THNSL2: variants seen among roughly 807,000 people sequenced by gnomAD.
THNSL2 encodes the protein threonine synthase like 2, also known as threonine synthase-like 2.
A neutral mutation model predicts 40.0 loss-of-function variants in THNSL2; 34 were observed. That is an observed-to-expected ratio of 0.85 (90% CI 0.65 to 1.13). The LOEUF (loss-of-function observed/expected upper bound fraction) is 1.13. Ranked by LOEUF, THNSL2 falls within the 50% of genes most tolerant of loss-of-function variation. The probability of loss-of-function intolerance (pLI) is 0.00; values close to 1 mark genes in which losing one functional copy is unlikely to be tolerated. For synonymous variants in THNSL2, 241 were observed against 247.5 expected (o/e 0.97, Z 0.25); for missense variants, 537 against 608.8 (o/e 0.88, Z 1.24).
chr2:88,172,136 C>T (rs1676442384), intron 1 of THNSL2: 1 of 152,288 alleles, frequency 6.6e-6, no homozygotes, highest in Non-Finnish European at 1.5e-5. Context: ...TCAAATTCAT[C>T]CCCATAGTTA....
chr2:88,185,369 C>T lies in THNSL2; in HGVS notation c.1119C>T (p.Ala373=). The change falls in exon 8 of 9, where the codon GCC becomes GCT. Residue 373 remains alanine, a synonymous_variant. Coordinates refer to ENST00000674334, the MANE Select transcript of THNSL2 (RefSeq NM_018271.5). The part of the protein sequence containing the change: ...AVTSVSVSDE[A]ITQTMGRCWD... ...CATCCGTGTCAGTGTCGGATGAAGCCATCACCCAGACCATGGGCCGCTGCT... is the reference window on the plus strand; with the variant it reads ...CATCCGTGTCAGTGTCGGATGAAGCTATCACCCAGACCATGGGCCGCTGCT... The T allele has an allele frequency of 6.2e-7, 1 of 1,614,002 alleles. No homozygotes were observed. Among genetic ancestry groups the T allele is most frequent in the Non-Finnish European group, 8.5e-7 (1 of 1,180,004 alleles).
intron 1 of THNSL2, chr2:88,171,174 G>T (rs188188721): frequency 4.9e-6 from 2 of 411,918 alleles, no homozygotes; most frequent in African/African-American, 2.0e-5. Flanking sequence ...TCCTGTGGTT[G>T]CTATTTCCGC....
At position 88,173,224 on chromosome 2, in the gene THNSL2, C is replaced by T; in HGVS notation, c.74C>T (p.Pro25Leu). 13 of 1,610,808 alleles carry T rather than the reference C, an allele frequency of 8.1e-6. No individual in the cohort carries two copies. The highest frequency in any genetic ancestry group is 1.1e-5 in the Non-Finnish European group (13 of 1,179,052). The change falls in exon 2 of 9, where the codon CCT becomes CTT. Residue 25 changes from proline (P) to leucine (L), a missense_variant. By Grantham distance (98) the Pro-to-Leu change is moderately conservative (BLOSUM62 -3). Coordinates refer to ENST00000674334, the MANE Select transcript of THNSL2 (RefSeq NM_018271.5). Reference sequence around the variant, plus strand: ...GGGGCCCTCTTCTCTGGCTATGCACCTGACGGGGGCCTCTTTATGCCTGAA... The same window carrying T: ...GGGGCCCTCTTCTCTGGCTATGCACTTGACGGGGGCCTCTTTATGCCTGAA... ...FEGALFSGYA[P>L]DGGLFMPEEL... is the part of the protein sequence containing the mutation.
At chr2:88,177,822 T>A (rs540535576) in intron 4 of THNSL2, among the ~76,000 whole-genome samples, 120 of 152,340 alleles carry the variant, frequency 7.9e-4, no homozygotes, top group African/African-American at 2.1e-3. Context: ...ACATGCTCAT[T>A]GTGGAGCCAA....
chr2:88,173,178 GC>G lies in THNSL2; in HGVS notation c.32del (p.Pro11HisfsTer45), dbSNP rs748196817. On this transcript the variant is annotated frameshift_variant, in exon 2 of 9. Coordinates refer to ENST00000674334, the MANE Select transcript of THNSL2 (RefSeq NM_018271.5). LOFTEE classifies it high-confidence loss of function. ...GTGGTATGTCAGCACCAGGGGCGTA[GC>G]CCCACGGGTCAACTTTGAGGGGGCC... MWYVSTRGVAPRVNFEGALF... is the reference protein window; with the variant it reads MWYVSTRGVXPRVNFEGALF... 1 of 1,591,358 alleles carries G rather than the reference GC, an allele frequency of 6.3e-7. No individual in the cohort carries two copies. The highest frequency in any genetic ancestry group is 1.1e-5 in the South Asian group (1 of 88,596).
At position 88,182,575 on chromosome 2, in the gene THNSL2, C is replaced by G. The variant is rs115853967; in HGVS notation, c.803-124C>G. 936 of 1,176,928 alleles carry G rather than the reference C, an allele frequency of 8.0e-4. 4 individuals carry two copies. In the African/African-American group the frequency reaches 0.013, roughly 16 times the overall value. The allele number at this position is 1,176,928 out of a possible 1,614,324, so 72.9% of individuals were successfully genotyped here. Reference sequence around the variant, plus strand: ...GCCTTTTCATTTTCTTGATAGTGTCCTTTTTAAAGCACAAAAGCTTCAAAA... The same window carrying G: ...GCCTTTTCATTTTCTTGATAGTGTCGTTTTTAAAGCACAAAAGCTTCAAAA... On this transcript the variant is annotated intron_variant, in intron 5 of 8. Transcript: ENST00000674334.
chr2:88,174,527 G>T, intron 2 of THNSL2, 112 bp from the exon 3 acceptor site: 4 of 1,112,482 alleles, frequency 3.6e-6, no homozygotes, highest in Non-Finnish European at 1.3e-6. Context: ...TTAAGATGAA[G>T]ATTTTTGGCC....
At chr2:88,176,868 T>G (rs535357279) in intron 4 of THNSL2, 4 of 152,232 alleles carry the variant, frequency 2.6e-5, no homozygotes, top group Non-Finnish European at 5.9e-5. Flanking sequence ...AAGACTTTAG[T>G]GCACAAGATT....
chr2:88,174,353 G>A (rs545124750), intron 2 of THNSL2, among the ~76,000 whole-genome samples: 13 of 151,110 alleles, frequency 8.6e-5, no homozygotes, highest in Non-Finnish European at 1.6e-4. Flanking sequence ...ACATGCTCAC[G>A]AGACAGTCAA....
intron 4 of THNSL2, chr2:88,176,260 T>A (rs1483050983): frequency 6.6e-6 from 1 of 152,230 alleles, no homozygotes; most frequent in Non-Finnish European, 1.5e-5. Flanking sequence ...ATCATGAGAA[T>A]CACAGCATTT....
intron 5 of THNSL2, 75 bp from the exon 6 acceptor site, chr2:88,182,624 A>G (rs938213719): frequency 2.6e-5 from 37 of 1,419,480 alleles, no homozygotes; most frequent in Middle Eastern, 1.9e-4. Context: ...CTTAATTTTG[A>G]TGAAGCCCAA....
intron 1 of THNSL2, 80 bp downstream of exon 1, chr2:88,170,536 T>C (rs1331928770): frequency 6.6e-6 from 1 of 152,266 alleles, no homozygotes; most frequent in East Asian, 1.9e-4. Context: ...CGCGGCTCCG[T>C]TCGGCCCTGA....
chr2:88,175,344 A>G lies in THNSL2; in HGVS notation c.514A>G (p.Lys172Glu). The change falls in exon 4 of 9, where the codon AAG becomes GAG. Residue 172 changes from lysine (K) to glutamate (E), a missense_variant. By Grantham distance (56) the Lys-to-Glu change is moderately conservative (BLOSUM62 1). Transcript: ENST00000674334. ...TCTGCTGCCCAAAGGTCACTGCACAAAGATTCAGGAGCTCCAGATGACAAC... is the reference window on the plus strand; with the variant it reads ...TCTGCTGCCCAAAGGTCACTGCACAGAGATTCAGGAGCTCCAGATGACAAC... Reference protein sequence around the residue: ...IVLLPKGHCTKIQELQMTTVL... With the variant: ...IVLLPKGHCTEIQELQMTTVL... The G allele has an allele frequency of 1.2e-6, 2 of 1,614,190 alleles. No homozygotes were observed. The highest frequency in any genetic ancestry group is 1.7e-6 in the Non-Finnish European group (2 of 1,180,038).
At chr2:88,176,210 C>G (rs921174314) in intron 4 of THNSL2, 2 of 152,244 alleles carry the variant, frequency 1.3e-5, no homozygotes, top group African/African-American at 4.8e-5. Flanking sequence ...GGGAACTACT[C>G]AGTGGTACCC....
At chr2:88,181,095 CCTCTCTCCT>C (rs1558894874) in intron 5 of THNSL2, among the ~76,000 whole-genome samples, 3 of 43,494 alleles carry the variant, frequency 6.9e-5, no homozygotes, top group African/African-American at 9.1e-5. Context: ...CGCTCGCTCT[CCTCTCTCCT>C]CTCTCTCCTC....
chr2:88,183,110 G>A (rs1274897331), intron 7 of THNSL2, 37 bp downstream of exon 7: 8 of 1,597,802 alleles, frequency 5.0e-6, no homozygotes, highest in East Asian at 2.2e-5. Flanking sequence ...GAAAGGAAAG[G>A]GTACAGCCAC....
In THNSL2 at chr2:88,185,933, C is replaced by T; in HGVS notation, c.1265C>T (p.Ala422Val). The change falls in exon 9 of 9, where the codon GCC becomes GTC. Residue 422 changes from alanine to valine, a missense_variant. Ala to Val is a moderately conservative substitution (Grantham distance 64). Transcript: ENST00000674334. ...PRCCLAPASA[A>V]KFPEAVLAAG... ...TGCTGCCTCGCCCCTGCCTCTGCAG[C>T]CAAGTTCCCGGAAGCTGTCCTGGCT... The T allele has an allele frequency of 6.2e-7, 1 of 1,611,520 alleles. No homozygotes were observed. Among genetic ancestry groups the T allele is most frequent in the Non-Finnish European group, 8.5e-7 (1 of 1,179,254 alleles).
intron 4 of THNSL2, among the ~76,000 whole-genome samples, chr2:88,177,551 G>A (rs2104187281): frequency 6.6e-6 from 1 of 152,286 alleles, no homozygotes; most frequent in South Asian, 2.1e-4. Context: ...ATATTTTCCA[G>A]CTTCCGTAAC....
Position 88,175,400 on chromosome 2 carries a change from A to G in THNSL2, c.570A>G (p.Gly190=), listed in dbSNP as rs1676819201. 1 of 1,613,888 alleles carries G rather than the reference A, an allele frequency of 6.2e-7. No individual in the cohort carries two copies. Among genetic ancestry groups the G allele is most frequent in the Admixed American group, 1.7e-5 (1 of 60,008 alleles). ...TVLKQNVHVF[G]VEGNSDELDE... Reference sequence around the variant, plus strand: ...TGAAGCAGAACGTACATGTGTTTGGAGGTGTGTGCTGAGGCAGAGGCTCTA... The same window carrying G: ...TGAAGCAGAACGTACATGTGTTTGGGGGTGTGTGCTGAGGCAGAGGCTCTA... Residue 190 remains glycine, a splice_region_variant and synonymous_variant, in exon 4 of 9, where the codon GGA becomes GGG. Coordinates refer to ENST00000674334, the MANE Select transcript of THNSL2 (RefSeq NM_018271.5).
Sources: allele counts gnomAD v4.1 joint callset (sites outside exome capture counted in the v4.1 genomes callset), GRCh38; gene constraint gnomAD v4.1.1; transcripts MANE v1.5; gene names NCBI Gene and HGNC (gene_info 2026-07-23, HGNC 2026-07-21).